The following DOCK9 variants were observed in gnomAD, a reference collection of about 807,000 sequenced individuals.
The protein encoded by DOCK9 is dedicator of cytokinesis 9, also known as dedicator of cytokinesis protein 9.
DOCK9 carries 89 observed loss-of-function variants against 263.3 expected under a neutral mutation model. The ratio of observed to expected loss-of-function variants is 0.34; its 90% CI spans 0.28 to 0.40. The LOEUF (loss-of-function observed/expected upper bound fraction) is 0.40, where lower values mean the gene tolerates loss of function less well. Among genes scored for constraint, DOCK9 ranks in the 10% least tolerant of loss-of-function variants. DOCK9 has a pLI of 1.00. For missense variants in DOCK9, 2,140 were observed against 2,603.4 expected (o/e 0.82, Z 3.87); for synonymous variants, 976 against 973.1 (o/e 1.00, Z -0.06).
chr13:98,918,063 T>G, intron 7 of DOCK9, among the ~76,000 whole-genome samples: 1 of 152,248 alleles, frequency 6.6e-6, no homozygotes, highest in East Asian at 1.9e-4. Context: ...GGATCTGGAC[T>G]TAGCCTCCCA....
intron 1 of DOCK9, among the ~76,000 whole-genome samples, chr13:99,047,869 G>A (rs2040509314): frequency 6.6e-6 from 1 of 152,018 alleles, no homozygotes; most frequent in South Asian, 2.1e-4. Context: ...CCAGGAAAGT[G>A]TCCCTGGATA....
intron 1 of DOCK9, among the ~76,000 whole-genome samples, chr13:99,067,505 C>A (rs1457731421): frequency 6.6e-6 from 1 of 152,198 alleles, no homozygotes; most frequent in Non-Finnish European, 1.5e-5. Flanking sequence ...TTCCATCTGG[C>A]CTCTGCCCCT....
At chr13:98,993,673 G>A (rs1317842049) in intron 1 of DOCK9, among the ~76,000 whole-genome samples, 8 of 152,170 alleles carry the variant, frequency 5.3e-5, no homozygotes, top group East Asian at 1.9e-4. Flanking sequence ...CCCGGGAGGC[G>A]GAGCTTGCAG....
intron 2 of DOCK9, among the ~76,000 whole-genome samples, chr13:98,936,826 T>C (rs116998910): frequency 6.6e-6 from 1 of 152,314 alleles, no homozygotes; most frequent in African/African-American, 2.4e-5. Flanking sequence ...CCACAGATTT[T>C]ATGTATTAAA....
chr13:98,891,024 T>C (rs1441722209), intron 15 of DOCK9, among the ~76,000 whole-genome samples: 1 of 152,140 alleles, frequency 6.6e-6, no homozygotes, highest in Non-Finnish European at 1.5e-5. Flanking sequence ...GCTCTCCAGG[T>C]ACAGCCAAGC....
chr13:99,009,867 G>A (rs749322273), intron 1 of DOCK9, among the ~76,000 whole-genome samples: 85 of 152,172 alleles, frequency 5.6e-4, no homozygotes, highest in Non-Finnish European at 8.5e-4. Context: ...TAGTCCTTCG[G>A]GACTGTTTGG....
chr13:98,986,924 G>A (rs797020546), intron 1 of DOCK9, among the ~76,000 whole-genome samples: 11 of 152,294 alleles, frequency 7.2e-5, no homozygotes, highest in African/African-American at 2.6e-4. Flanking sequence ...TGAGGAGGGT[G>A]AATGCTAAGG....
At chr13:98,956,543 T>TA (rs1358098573) in intron 1 of DOCK9, among the ~76,000 whole-genome samples, 1 of 151,920 alleles carries the variant, frequency 6.6e-6, no homozygotes, top group Non-Finnish European at 1.5e-5. Context: ...GGTTAGGAGT[T>TA]AGAGACCAGC....
chr13:99,082,161 A>G (rs2042145028), intron 1 of DOCK9, among the ~76,000 whole-genome samples: 1 of 152,180 alleles, frequency 6.6e-6, no homozygotes, highest in South Asian at 2.1e-4. Context: ...CAAAGGCTGC[A>G]GCAAGCCATG....
chr13:98,855,993 C>T lies in DOCK9; in HGVS notation c.3736G>A (p.Val1246Met), dbSNP rs879253613. The T allele has an allele frequency of 6.2e-7, 1 of 1,613,832 alleles. No homozygotes were observed. The highest frequency in any genetic ancestry group is 8.5e-7 in the Non-Finnish European group (1 of 1,179,864). ...GATCCTCTCGAATCAGCATTTCTCA[C>T]ACTGTTGATGTTTGGAGTTGAGGTT... ...YTTSTPNINSVRNADSRGSLI... is the reference protein window; with the variant it reads ...YTTSTPNINSMRNADSRGSLI... The change falls in exon 34 of 53, where the codon GTG becomes ATG. Residue 1246 changes from valine (V) to methionine (M), a missense_variant. Around this residue, in one of 2 missense-constraint regions of DOCK9, gnomAD observed 1,521 missense variants for 1,741.7 expected, o/e 0.87. Coordinates refer to ENST00000682017, the MANE Select transcript of DOCK9 (RefSeq NM_001366683.2).
In DOCK9 at chr13:98,914,410, C is replaced by T; in HGVS notation, c.893-15G>A. On this transcript the variant is annotated splice_polypyrimidine_tract_variant and intron_variant, in intron 8 of 52. Transcript: ENST00000682017. ...TTGTTCATCATCTAAAATGGCAAAACAGATTATCGGAATCACTTGTAATTC... is the reference window on the plus strand; with the variant it reads ...TTGTTCATCATCTAAAATGGCAAAATAGATTATCGGAATCACTTGTAATTC... 6.2e-7 allele frequency: 1 copy of T among 1,601,026 alleles called. No individual in the cohort carries two copies.
At chr13:98,921,120 T>G in intron 6 of DOCK9, 32 bp from the exon 7 acceptor site, 2 of 1,571,986 alleles carry the variant, frequency 1.3e-6, no homozygotes, top group African/African-American at 2.7e-5. Context: ...AGCTATTCTT[T>G]CAAAATGAAG....
At chr13:99,002,681 C>T (rs1159551751) in intron 1 of DOCK9, among the ~76,000 whole-genome samples, 2 of 152,198 alleles carry the variant, frequency 1.3e-5, no homozygotes, top group Non-Finnish European at 2.9e-5. Context: ...CTTCCACTGT[C>T]GTGGGGTTTG....
At chr13:98,912,881 T>C (rs2050281335) in intron 9 of DOCK9, among the ~76,000 whole-genome samples, 1 of 152,166 alleles carries the variant, frequency 6.6e-6, no homozygotes, top group Admixed American at 6.6e-5. Context: ...AAAACCCAAA[T>C]GGGCACAAAT....
intron 1 of DOCK9, among the ~76,000 whole-genome samples, chr13:99,047,957 C>A (rs2040513714): frequency 6.6e-6 from 1 of 152,158 alleles, no homozygotes; most frequent in Non-Finnish European, 1.5e-5. Flanking sequence ...TAATACCCAA[C>A]AGCAGAGCTC....
intron 1 of DOCK9, among the ~76,000 whole-genome samples, chr13:99,009,979 T>C (rs1224733264): frequency 1.3e-5 from 2 of 151,462 alleles, no homozygotes; most frequent in African/African-American, 4.9e-5. Context: ...TGAAAAACTT[T>C]AAGGTTTTAA....
chr13:98,824,458 G>A lies in DOCK9; in HGVS notation c.5070C>T (p.Asn1690=), dbSNP rs1594371276. ...CCATCATGGAGGCCTCCTCGTCGAT[G>A]TTTGGGGTAATGACCCTGAAGGCGG... is the stretch of plus-strand genomic sequence containing the variant. ...GCTAFRVITP[N]IDEEASMMED... is the part of the protein sequence containing the mutation. The change falls in exon 45 of 53, where the codon AAC becomes AAT. Residue 1690 remains asparagine, a synonymous_variant. Transcript: ENST00000682017. 1 of 1,613,934 alleles carries A rather than the reference G, an allele frequency of 6.2e-7. No individual in the cohort carries two copies. Among genetic ancestry groups the A allele is most frequent in the South Asian group, 1.1e-5 (1 of 91,080 alleles).
At chr13:98,880,315 C>T (rs1265719078) in intron 26 of DOCK9, among the ~76,000 whole-genome samples, 1 of 152,026 alleles carries the variant, frequency 6.6e-6, no homozygotes, top group East Asian at 1.9e-4. Context: ...ACCTTCATCA[C>T]TGATTTGAAC....
intron 4 of DOCK9, among the ~76,000 whole-genome samples, chr13:98,924,701 G>T (rs2052637483): frequency 6.6e-6 from 1 of 152,168 alleles, no homozygotes; most frequent in South Asian, 2.1e-4. Flanking sequence ...AAGAGAATGG[G>T]TTGTTATAAA....
Sources: gnomAD v4.1 joint callset for allele counts (sites outside exome capture counted in the v4.1 genomes callset) on GRCh38, gnomAD v4.1.1 for gene constraint, gnomAD v4.1.1 regional missense constraint, MANE v1.5 for transcripts, NCBI Gene and HGNC (gene_info 2026-07-23, HGNC 2026-07-21) for gene names.